Variants in CNIH3 observed in about 807,000 individuals in gnomAD.
The protein encoded by CNIH3 is cornichon family AMPA receptor auxiliary protein 3, also known as protein cornichon homolog 3.
In CNIH3, 14 loss-of-function variants were observed where a neutral mutation model predicts 24.1. The ratio of observed to expected loss-of-function variants is 0.58; its 90% CI spans 0.38 to 0.91. The LOEUF is 0.91. Ranked by LOEUF, CNIH3 falls within the 40% of genes least tolerant of loss-of-function variation. CNIH3 has a pLI of 0.00. For missense variants in CNIH3, 178 were observed against 196.8 expected, an observed-to-expected ratio of 0.90 and a Z score of 0.57; for synonymous variants, 68 against 73.8, an observed-to-expected ratio of 0.92 and a Z score of 0.40.
intron 3 of CNIH3, among the ~76,000 whole-genome samples, chr1:224,549,956 C>G (rs182145553): frequency 6.6e-6 from 1 of 152,004 alleles, no homozygotes; most frequent in African/African-American, 2.4e-5. Flanking sequence ...TGTATGTAAC[C>G]ACCGGATAAT....
upstream of CNIH3, among the ~76,000 whole-genome samples, chr1:224,615,924 C>T (rs1232756241): frequency 6.6e-6 from 1 of 152,246 alleles, no homozygotes; most frequent in Non-Finnish European, 1.5e-5. Context: ...CAAGTCCCCA[C>T]ACTTCCCACT....
rs1175252716 is a variant in CNIH3, at chr1:224,680,341, A to G, written c.82-617A>G. ...CTCCAGCATTCTTTCCTCCAGGGAT[A>G]TCGGGAAAGTGTTGTTCTCTGGGGA... On this transcript the variant is annotated intron_variant, in intron 1 of 5. Coordinates refer to ENST00000272133, the MANE Select transcript of CNIH3 (RefSeq NM_152495.2). 2.6e-5 allele frequency among the ~76,000 whole-genome samples: 4 copies of G among 152,278 alleles called. No homozygotes were observed. In the East Asian group the frequency reaches 7.7e-4, roughly 29 times the overall value.
intron 1 of CNIH3, among the ~76,000 whole-genome samples, chr1:224,496,806 T>G (rs1232988914): frequency 3.3e-5 from 5 of 152,238 alleles, no homozygotes; most frequent in African/African-American, 4.8e-5. Context: ...TTGTAATGAA[T>G]GCAATACCAT....
At chr1:224,590,829 A>G (rs1255918535), downstream of CNIH3, among the ~76,000 whole-genome samples, 5 of 139,592 alleles carry the variant, frequency 3.6e-5, no homozygotes, top group Non-Finnish European at 7.6e-5. Flanking sequence ...AACCCACCCA[A>G]GAGATAGATC....
At chr1:224,454,261 T>G in intron 1 of CNIH3, 2 of 976,318 alleles carry the variant, frequency 2.0e-6, no homozygotes, top group Non-Finnish European at 2.4e-6. Context: ...TAGTAAGTTT[T>G]TTTTTTTTTT....
At chr1:224,598,224 G>A (rs1682067781) in intron 3 of CNIH3, among the ~76,000 whole-genome samples, 1 of 152,164 alleles carries the variant, frequency 6.6e-6, no homozygotes, top group African/African-American at 2.4e-5. Flanking sequence ...CTTCAGTGGA[G>A]GAATTGACTG....
At chr1:224,438,398 A>T (rs1674758906) in intron 1 of CNIH3, among the ~76,000 whole-genome samples, 1 of 152,134 alleles carries the variant, frequency 6.6e-6, no homozygotes, top group Non-Finnish European at 1.5e-5. Flanking sequence ...ACTCTACCAT[A>T]TTTTAAAAAG....
rs889446901 is a variant in CNIH3 at position 224,739,253 on chromosome 1, G to A, written c.456-76G>A. On this transcript the variant is annotated intron_variant, in intron 5 of 5. Transcript: ENST00000272133. ...CTCTGGAAGGTCCCTCTCCTGAGGG[G>A]CAGCCTGAGTCCTCTGTGGGCTTCT... The A allele has an allele frequency of 1.1e-3, 1,721 of 1,561,546 alleles. 6 individuals carry two copies. The highest frequency in any genetic ancestry group is 9.9e-4 in the Non-Finnish European group (1,147 of 1,156,664).
intron 1 of CNIH3, among the ~76,000 whole-genome samples, chr1:224,452,766 A>G (rs1675472393): frequency 2.3e-5 from 3 of 131,096 alleles, no homozygotes; most frequent in Non-Finnish European, 4.7e-5. Context: ...TGGGCAACAG[A>G]GCGAAACTCT....
intron 3 of CNIH3, among the ~76,000 whole-genome samples, chr1:224,558,629 C>T (rs1328092305): frequency 6.6e-6 from 1 of 152,172 alleles, no homozygotes; most frequent in East Asian, 1.9e-4. Context: ...CTGCTCCCAC[C>T]ACTCCTCCTC....
intron 3 of CNIH3, among the ~76,000 whole-genome samples, chr1:224,692,722 A>G (rs888077400): frequency 6.6e-6 from 1 of 152,224 alleles, no homozygotes; most frequent in African/African-American, 2.4e-5. Flanking sequence ...GGTTAAGTAT[A>G]TATCCGAGAG....
intron 1 of CNIH3, among the ~76,000 whole-genome samples, chr1:224,452,696 G>C (rs902414989): frequency 1.1e-4 from 16 of 148,708 alleles, no homozygotes; most frequent in Non-Finnish European, 2.4e-4. Context: ...GCAGGAGAAT[G>C]GCATGAACCT....
At chr1:224,692,222 C>A (rs1379153981) in intron 3 of CNIH3, among the ~76,000 whole-genome samples, 1 of 152,160 alleles carries the variant, frequency 6.6e-6, no homozygotes, top group Non-Finnish European at 1.5e-5. Flanking sequence ...GGGAGGATCA[C>A]TTGAGTCCAG....
At chr1:224,452,779 C>CT (rs1276253481) in intron 1 of CNIH3, among the ~76,000 whole-genome samples, 1 of 94,070 alleles carries the variant, frequency 1.1e-5, no homozygotes, top group African/African-American at 4.3e-5. Context: ...GAAACTCTGT[C>CT]TCAAAAAAAA....
chr1:224,463,586 T>A (rs1290284963), intron 1 of CNIH3, among the ~76,000 whole-genome samples: 1 of 151,472 alleles, frequency 6.6e-6, no homozygotes, highest in Non-Finnish European at 1.5e-5. Flanking sequence ...TTGTATTTTT[T>A]AATAGAAACG....
At chr1:224,520,787 G>C (rs1176135868) in intron 1 of CNIH3, among the ~76,000 whole-genome samples, 1 of 152,238 alleles carries the variant, frequency 6.6e-6, no homozygotes, top group Non-Finnish European at 1.5e-5. Flanking sequence ...GCTGCATGAA[G>C]AGAGGCTCAT....
downstream of CNIH3, among the ~76,000 whole-genome samples, chr1:224,593,417 T>A (rs74146395): frequency 0.048 from 7,273 of 152,234 alleles, 592 homozygotes; most frequent in African/African-American, 0.16. Context: ...TTCAGGTCAT[T>A]ACTACTACAC....
rs554552422 is a variant in CNIH3 at position 224,604,516 on chromosome 1, C to A, written n.402+38252C>A. Among the ~76,000 whole-genome samples the A allele has an allele frequency of 6.6e-6, 1 of 152,164 alleles. No individual in the cohort carries two copies. The highest frequency in any genetic ancestry group is 1.9e-4 in the East Asian group (1 of 5,182). On this transcript the variant is annotated intron_variant and non_coding_transcript_variant, in intron 3 of 7. Transcript: ENST00000478120. This position sits in a 1 kb window ranked among gnomAD's most constrained non-coding sequence, Gnocchi z 4.4. Reference sequence around the variant, plus strand: ...GGAGCCTCTGAAGAAGGGACCCCTACGCCGCTTTGTGCCAGTGACTTGTGG... The same window carrying A: ...GGAGCCTCTGAAGAAGGGACCCCTAAGCCGCTTTGTGCCAGTGACTTGTGG...
chr1:224,516,751 A>G (rs1678404765), intron 1 of CNIH3, among the ~76,000 whole-genome samples: 1 of 152,228 alleles, frequency 6.6e-6, no homozygotes, highest in African/African-American at 2.4e-5. Context: ...CGCTGAACAG[A>G]TGGGGCAGAT....
Sources: allele counts gnomAD v4.1 joint callset (sites outside exome capture counted in the v4.1 genomes callset), GRCh38; gene constraint gnomAD v4.1.1; non-coding constraint Gnocchi (gnomAD v3.1); transcripts MANE v1.5; gene names NCBI Gene and HGNC (gene_info 2026-07-23, HGNC 2026-07-21).